The following FOCAD variants were observed in gnomAD, a reference collection of about 807,000 sequenced individuals.
FOCAD encodes the protein KIAA1797.
In FOCAD, 198 loss-of-function variants were observed where a neutral mutation model predicts 225.6. The observed-to-expected ratio is 0.88, with a 90% CI of 0.78 to 0.99. The LOEUF (loss-of-function observed/expected upper bound fraction) is 0.99, where lower values mean the gene tolerates loss of function less well. Among genes scored for constraint, FOCAD ranks in the 50% least tolerant of loss-of-function variants. The pLI is 0.00. For synonymous variants in FOCAD, 897 were observed against 755.0 expected (o/e 1.19, Z -3.08); for missense variants, 2,713 against 2,123.6 (o/e 1.28, Z -5.46).
At chr9:20,767,792 G>A (rs932331799) in intron 7 of FOCAD, among the ~76,000 whole-genome samples, 2 of 148,686 alleles carry the variant, frequency 1.3e-5, no homozygotes, top group African/African-American at 4.9e-5. Context: ...TCACTCTGAT[G>A]GTAGTTTCTT....
chr9:20,716,114 C>G, intron 2 of FOCAD: 1 of 477,038 alleles, frequency 2.1e-6, no homozygotes, highest in Non-Finnish European at 4.5e-6. Context: ...ATTGACTTAG[C>G]TGGGTAGTGG....
chr9:20,824,939 G>C (rs1824714036), intron 15 of FOCAD, among the ~76,000 whole-genome samples: 1 of 151,756 alleles, frequency 6.6e-6, no homozygotes, highest in South Asian at 2.1e-4. Flanking sequence ...TTATATACCA[G>C]TTTTCTTTAT....
intron 11 of FOCAD, among the ~76,000 whole-genome samples, chr9:20,811,858 C>G (rs1253633261): frequency 6.6e-6 from 1 of 152,000 alleles, no homozygotes; most frequent in Admixed American, 6.6e-5. Context: ...TTTTAAAAGT[C>G]TCTTCCAATA....
At chr9:20,916,994 G>T (rs1171344285) in intron 24 of FOCAD, 57 bp downstream of exon 24, 1 of 1,380,226 alleles carries the variant, frequency 7.2e-7, no homozygotes, top group Non-Finnish European at 9.9e-7. Flanking sequence ...TTCCTGGCAG[G>T]TACATACATT....
At chr9:20,665,983 C>T (rs998737226) in intron 2 of FOCAD, among the ~76,000 whole-genome samples, 4 of 152,084 alleles carry the variant, frequency 2.6e-5, no homozygotes, top group East Asian at 1.9e-4. Context: ...CAACCTCCGC[C>T]TTCCAGGTTC....
intron 25 of FOCAD, 80 bp downstream of exon 25, chr9:20,923,848 C>G (rs1468424783): frequency 9.4e-7 from 1 of 1,061,294 alleles, no homozygotes; most frequent in African/African-American, 1.6e-5. Context: ...CCTGGGCTTA[C>G]AAGGTTAGAT....
chr9:20,866,888 C>CTTTTTTTTTTTTTTTTGTTTTTT, intron 17 of FOCAD, 41 bp from the exon 18 acceptor site: 1 of 341,496 alleles, frequency 2.9e-6, no homozygotes, highest in Non-Finnish European at 4.2e-6. Flanking sequence ...TGTTTGCTTG[C>CTTTTTTTTTTTTTTTTGTTTTTT]TTTTTTTTTT....
chr9:20,838,954 T>G (rs1826248868), intron 15 of FOCAD, among the ~76,000 whole-genome samples: 1 of 152,166 alleles, frequency 6.6e-6, no homozygotes, highest in African/African-American at 2.4e-5. Flanking sequence ...GTGGTTTCCT[T>G]ACTTGCACTT....
In FOCAD at chr9:20,869,505, T is replaced by A. The variant is rs550997082; in HGVS notation, c.2190+2493T>A. Among the ~76,000 whole-genome samples, 4 of 152,236 alleles carry A rather than the reference T, an allele frequency of 2.6e-5. No individual in the cohort carries two copies. The East Asian group carries it at 7.7e-4, about 29-fold the overall frequency. ...AACTTGTTGAAAGTTAACAGACTGGTAGAACAAAAAGAGTAAGAGGATTGG... is the reference window on the plus strand; with the variant it reads ...AACTTGTTGAAAGTTAACAGACTGGAAGAACAAAAAGAGTAAGAGGATTGG... On this transcript the variant is annotated intron_variant, in intron 18 of 43. Transcript: ENST00000338382.
chr9:20,813,145 T>G (rs1823269511), intron 11 of FOCAD, among the ~76,000 whole-genome samples: 2 of 152,146 alleles, frequency 1.3e-5, no homozygotes, highest in African/African-American at 4.8e-5. Flanking sequence ...TTATTTCACT[T>G]AGCATTGTGT....
chr9:20,744,372 C>T (rs10511688), intron 5 of FOCAD, among the ~76,000 whole-genome samples: 45,376 of 152,090 alleles, frequency 0.3, 7,877 homozygotes, highest in Non-Finnish European at 0.39. Context: ...TAATGCAGCT[C>T]ATATTGCTTA....
At chr9:20,938,618 T>C (rs1836275598) in intron 28 of FOCAD, among the ~76,000 whole-genome samples, 1 of 152,050 alleles carries the variant, frequency 6.6e-6, no homozygotes, top group South Asian at 2.1e-4. Flanking sequence ...TTAGGGGATA[T>C]ACCTAATGTT....
chr9:20,895,930 G>C (rs1005402612), intron 21 of FOCAD, among the ~76,000 whole-genome samples: 1 of 151,836 alleles, frequency 6.6e-6, no homozygotes, highest in African/African-American at 2.4e-5. Flanking sequence ...AGTGAGAGAG[G>C]ACATCCTTGC....
chr9:20,978,959 G>C (rs775065035), intron 37 of FOCAD, among the ~76,000 whole-genome samples: 5 of 152,216 alleles, frequency 3.3e-5, no homozygotes, highest in Non-Finnish European at 7.3e-5. Flanking sequence ...GAGCATGAAA[G>C]ATCTCTACTA....
At position 20,932,140 on chromosome 9, in the gene FOCAD, A is replaced by T. The variant is rs573021703; in HGVS notation, c.3318-874A>T. 1.8e-4 allele frequency among the ~76,000 whole-genome samples: 28 copies of T among 152,268 alleles called. No individual in the cohort carries two copies. The East Asian group carries it at 5.2e-3, about 28-fold the overall frequency. On this transcript the variant is annotated intron_variant, in intron 27 of 43. Coordinates refer to ENST00000338382, the MANE Select transcript of FOCAD (RefSeq NM_001375567.1). The stretch of plus-strand genomic sequence containing the variant: ...CCAAAGGACAACTTTTATAGGATTT[A>T]TTTAGTTAAAGCTATTAAGTCTGTG...
intron 38 of FOCAD, among the ~76,000 whole-genome samples, chr9:20,982,051 C>T (rs1017912246): frequency 6.6e-6 from 1 of 152,114 alleles, no homozygotes; most frequent in Non-Finnish European, 1.5e-5. Flanking sequence ...AATTTAGCAT[C>T]GCCCTTCCCT....
chr9:20,830,907 G>A (rs1825420138), intron 15 of FOCAD, among the ~76,000 whole-genome samples: 1 of 151,922 alleles, frequency 6.6e-6, no homozygotes, highest in Non-Finnish European at 1.5e-5. Context: ...TGAACTCCTT[G>A]GCTCAAGCAG....
intron 18 of FOCAD, among the ~76,000 whole-genome samples, chr9:20,869,665 CT>C (rs1311540635): frequency 6.6e-6 from 1 of 152,050 alleles, no homozygotes; most frequent in East Asian, 1.9e-4. Context: ...ATTCATCTTT[CT>C]TGTCATTTGT....
At chr9:20,752,967 T>G (rs1828705432) in intron 5 of FOCAD, among the ~76,000 whole-genome samples, 1 of 149,978 alleles carries the variant, frequency 6.7e-6, no homozygotes, top group South Asian at 2.1e-4. Context: ...GTTTGTCTGT[T>G]GTTGGTGTAT....
Sources: allele counts gnomAD v4.1 joint callset (sites outside exome capture counted in the v4.1 genomes callset), GRCh38; gene constraint gnomAD v4.1.1; transcripts MANE v1.5; gene names NCBI Gene and HGNC (gene_info 2026-07-23, HGNC 2026-07-21).